GRPEL2: variants seen among roughly 807,000 people sequenced by gnomAD.
GRPEL2 encodes grpE protein homolog 2, mitochondrial.
In GRPEL2, 18 loss-of-function variants were observed where a neutral mutation model predicts 25.9. The ratio of observed to expected loss-of-function variants is 0.70; its 90% CI spans 0.48 to 1.03. GRPEL2 has a LOEUF of 1.03. Ranked by LOEUF, GRPEL2 falls within the 50% of genes least tolerant of loss-of-function variation. GRPEL2 has a pLI of 0.00. For missense variants in GRPEL2, 247 were observed against 276.2 expected, an observed-to-expected ratio of 0.89 and a Z score of 0.75; for synonymous variants, 106 against 107.9, an observed-to-expected ratio of 0.98 and a Z score of 0.11.
intron 1 of GRPEL2, 88 bp from the exon 2 acceptor site, chr5:149,348,184 C>A: frequency 8.3e-7 from 1 of 1,203,238 alleles, no homozygotes; most frequent in Non-Finnish European, 1.2e-6. Flanking sequence ...GAGATTCCAT[C>A]TGGGAAGATC....
chr5:149,347,631 C>G (rs914398213), intron 1 of GRPEL2, among the ~76,000 whole-genome samples: 1 of 152,218 alleles, frequency 6.6e-6, no homozygotes, highest in Non-Finnish European at 1.5e-5. Flanking sequence ...TCACCTGTGT[C>G]TATTCACCGG....
rs1260876915 is a variant in GRPEL2, at chr5:149,353,378, A to C, written c.*2096A>C. 1 of 152,144 alleles carries C rather than the reference A, an allele frequency of 6.6e-6. No individual in the cohort carries two copies. The highest frequency in any genetic ancestry group is 2.4e-5 in the African/African-American group (1 of 41,422). The allele number at this position is 152,144 out of a possible 1,614,324, so 9.4% of individuals were successfully genotyped here. ...GTAATTACTCTCTGTGTGTTTTTTTATTGCTAGCTATCATTACCAGTTAGA... is the reference window on the plus strand; with the variant it reads ...GTAATTACTCTCTGTGTGTTTTTTTCTTGCTAGCTATCATTACCAGTTAGA... On this transcript the variant is annotated 3_prime_UTR_variant, in exon 4 of 4. Transcript: ENST00000329271.
chr5:149,350,985 T>C lies in GRPEL2; in HGVS notation c.381T>C (p.Ile127=). Residue 127 remains isoleucine, a synonymous_variant, in exon 4 of 4, where the codon ATT becomes ATC. Coordinates refer to ENST00000329271, the MANE Select transcript of GRPEL2 (RefSeq NM_152407.4). ...ADILEKTTEC[I]SEESEPEDQK... is the part of the protein sequence containing the mutation. ...TTTTGGAGAAGACTACAGAGTGCAT[T>C]TCTGAAGAATCGGAGCCTGAGGACC... The C allele has an allele frequency of 6.2e-7, 1 of 1,614,236 alleles. No individual in the cohort carries two copies. The highest frequency in any genetic ancestry group is 8.5e-7 in the Non-Finnish European group (1 of 1,180,026).
In GRPEL2 at chr5:149,351,604, C is replaced by T. The variant is rs1292629960; in HGVS notation, c.*322C>T. 1.4e-5 allele frequency: 3 copies of T among 222,016 alleles called. No homozygotes were observed. Among genetic ancestry groups the T allele is most frequent in the Admixed American group, 5.1e-5 (1 of 19,456 alleles). The allele number at this position is 222,016 out of a possible 1,614,324, so 13.8% of individuals were successfully genotyped here. On this transcript the variant is annotated 3_prime_UTR_variant, in exon 4 of 4. Transcript: ENST00000329271. ...TTTTCAACTACATGTTTCTTCCTAGCGGTCTCTATAACAGGAATTGTGTAG... is the reference window on the plus strand; with the variant it reads ...TTTTCAACTACATGTTTCTTCCTAGTGGTCTCTATAACAGGAATTGTGTAG...
rs754307890 is a variant in GRPEL2, at chr5:149,353,351, T to C, written c.*2069T>C. 6.6e-6 allele frequency: 1 copy of C among 152,324 alleles called. No homozygotes were observed. The highest frequency in any genetic ancestry group is 2.4e-5 in the African/African-American group (1 of 41,466). 9.4% of individuals were successfully genotyped at this position (152,324 alleles called of 1,614,324 possible). On this transcript the variant is annotated 3_prime_UTR_variant, in exon 4 of 4. Coordinates refer to ENST00000329271, the MANE Select transcript of GRPEL2 (RefSeq NM_152407.4). ...TGGTGACAATAAGAAAATGAGCTGA[T>C]TGTAATTACTCTCTGTGTGTTTTTT... is the stretch of plus-strand genomic sequence containing the variant.
In GRPEL2 at chr5:149,351,452, T is replaced by G; in HGVS notation, c.*170T>G. The G allele has an allele frequency of 1.4e-6, 1 of 717,700 alleles. No homozygotes were observed. The highest frequency in any genetic ancestry group is 3.1e-5 in the Admixed American group (1 of 32,608). 44.5% of individuals were successfully genotyped at this position (717,700 alleles called of 1,614,324 possible). A position where few individuals can be genotyped will look rare whatever the true frequency, so the allele number is the denominator to read the frequency against. On this transcript the variant is annotated 3_prime_UTR_variant, in exon 4 of 4. Coordinates refer to ENST00000329271, the MANE Select transcript of GRPEL2 (RefSeq NM_152407.4). ...TATTGATTTAATGTGACCTGTTTGGTCTCATCAGAAGTCTTACCATTGGGC... is the reference window on the plus strand; with the variant it reads ...TATTGATTTAATGTGACCTGTTTGGGCTCATCAGAAGTCTTACCATTGGGC...
intron 1 of GRPEL2, among the ~76,000 whole-genome samples, chr5:149,346,084 C>T (rs935716323): frequency 6.6e-6 from 1 of 152,184 alleles, no homozygotes; most frequent in Non-Finnish European, 1.5e-5. Flanking sequence ...AAGACAAGTT[C>T]CATCGGCAGC....
In GRPEL2 at chr5:149,349,744, T is replaced by G. The variant is rs778663026; in HGVS notation, c.313+9T>G. On this transcript the variant is annotated intron_variant, in intron 3 of 3. Transcript: ENST00000329271. ...AGACGCCAAGATATTTGGTGAGAGA[T>G]TTATTTACAATAAAAATGTCTTTGG... is the stretch of plus-strand genomic sequence containing the variant. 6.2e-7 allele frequency: 1 copy of G among 1,605,510 alleles called. No homozygotes were observed. Among genetic ancestry groups the G allele is most frequent in the Non-Finnish European group, 8.5e-7 (1 of 1,172,374 alleles).
At chr5:149,350,750 GT>G (rs1757761657) in intron 3 of GRPEL2, among the ~76,000 whole-genome samples, 167 bp from the exon 4 acceptor site, 1 of 152,210 alleles carries the variant, frequency 6.6e-6, no homozygotes, top group African/African-American at 2.4e-5. Flanking sequence ...TGACTTGTCA[GT>G]TGGGTTGGGG....
chr5:149,353,185 T>A lies in GRPEL2; in HGVS notation c.*1903T>A, dbSNP rs990123110. The A allele has an allele frequency of 6.6e-6, 1 of 152,654 alleles. No individual in the cohort carries two copies. Among genetic ancestry groups the A allele is most frequent in the Non-Finnish European group, 1.5e-5 (1 of 68,032 alleles). The allele number at this position is 152,654 out of a possible 1,614,324, so 9.5% of individuals were successfully genotyped here. On this transcript the variant is annotated 3_prime_UTR_variant, in exon 4 of 4. Coordinates refer to ENST00000329271, the MANE Select transcript of GRPEL2 (RefSeq NM_152407.4). Reference sequence around the variant, plus strand: ...GTAAATATGCACTTTTAAAATGCAATCAAAAGACTGGTGGTTAAGCTTGTA... The same window carrying A: ...GTAAATATGCACTTTTAAAATGCAAACAAAAGACTGGTGGTTAAGCTTGTA...
Position 149,351,328 on chromosome 5 carries a change from T to C in GRPEL2, c.*46T>C, listed in dbSNP as rs1189183865. Reference sequence around the variant, plus strand: ...TGTTCTCCCAGAGCGCAGTCACCTATGTTTCTTTTATTTATTAAACTAGGT... The same window carrying C: ...TGTTCTCCCAGAGCGCAGTCACCTACGTTTCTTTTATTTATTAAACTAGGT... On this transcript the variant is annotated 3_prime_UTR_variant, in exon 4 of 4. Coordinates refer to ENST00000329271, the MANE Select transcript of GRPEL2 (RefSeq NM_152407.4). The C allele has an allele frequency of 1.9e-6, 3 of 1,542,292 alleles. No individual in the cohort carries two copies. Among genetic ancestry groups the C allele is most frequent in the African/African-American group, 1.4e-5 (1 of 72,390 alleles).
chr5:149,354,119 GC>G lies in GRPEL2; in HGVS notation c.*2838del, dbSNP rs1486620871. ...AATGATGAGTAGAAAAAACTTGTAA[GC>G]TAATCATTCACTGACTTATTTTCCT... On this transcript the variant is annotated 3_prime_UTR_variant, in exon 4 of 4. Coordinates refer to ENST00000329271, the MANE Select transcript of GRPEL2 (RefSeq NM_152407.4). The G allele has an allele frequency of 6.6e-6, 1 of 152,160 alleles. No homozygotes were observed. Among genetic ancestry groups the G allele is most frequent in the African/African-American group, 2.4e-5 (1 of 41,430 alleles). The allele number at this position is 152,160 out of a possible 1,614,324, so 9.4% of individuals were successfully genotyped here.
Position 149,353,666 on chromosome 5 carries a change from A to C in GRPEL2, c.*2384A>C, listed in dbSNP as rs2127610660. The C allele has an allele frequency of 6.6e-6, 1 of 152,098 alleles. No individual in the cohort carries two copies. Among genetic ancestry groups the C allele is most frequent in the Non-Finnish European group, 1.5e-5 (1 of 67,978 alleles). The allele number at this position is 152,098 out of a possible 1,614,324, so 9.4% of individuals were successfully genotyped here. A position where few individuals can be genotyped will look rare whatever the true frequency, so the allele number is the denominator to read the frequency against. On this transcript the variant is annotated 3_prime_UTR_variant, in exon 4 of 4. Transcript: ENST00000329271. ...TTGTCCAGGCTAGAAGAATTTTCTA[A>C]TGGTCTATTACACCTCCCGTTTTGG...
chr5:149,350,454 A>T (rs995682537), intron 3 of GRPEL2, among the ~76,000 whole-genome samples: 4 of 152,138 alleles, frequency 2.6e-5, no homozygotes, highest in Non-Finnish European at 4.4e-5. Flanking sequence ...ACCCCTTAGC[A>T]TAGTGTTGTT....
Position 149,354,349 on chromosome 5 carries a change from C to T in GRPEL2, c.*3067C>T, listed in dbSNP as rs550404639. On this transcript the variant is annotated 3_prime_UTR_variant, in exon 4 of 4. Transcript: ENST00000329271. ...TTGGTGTTGTAGTACTTGGACTGTA[C>T]AAATGTTTTACTGACTTTTCTTACT... The T allele has an allele frequency of 6.6e-6, 1 of 152,308 alleles. No homozygotes were observed. The highest frequency in any genetic ancestry group is 2.1e-4 in the South Asian group (1 of 4,824). The allele number at this position is 152,308 out of a possible 1,614,324, so 9.4% of individuals were successfully genotyped here. A position where few individuals can be genotyped will look rare whatever the true frequency, so the allele number is the denominator to read the frequency against.
In GRPEL2 at chr5:149,352,351, C is replaced by A. The variant is rs1439138672; in HGVS notation, c.*1069C>A. On this transcript the variant is annotated 3_prime_UTR_variant, in exon 4 of 4. Coordinates refer to ENST00000329271, the MANE Select transcript of GRPEL2 (RefSeq NM_152407.4). Reference sequence around the variant, plus strand: ...TTTTTTCCTGTGTTGCCCAGGCTGACCTCCAACTCCTGGGCCCAAGCAATC... The same window carrying A: ...TTTTTTCCTGTGTTGCCCAGGCTGAACTCCAACTCCTGGGCCCAAGCAATC... 6.6e-6 allele frequency: 1 copy of A among 151,368 alleles called. No homozygotes were observed. The highest frequency in any genetic ancestry group is 1.5e-5 in the Non-Finnish European group (1 of 67,924). 9.4% of individuals were successfully genotyped at this position (151,368 alleles called of 1,614,324 possible). A position where few individuals can be genotyped will look rare whatever the true frequency, so the allele number is the denominator to read the frequency against.
intron 3 of GRPEL2, 71 bp from the exon 4 acceptor site, chr5:149,350,847 T>TA: frequency 6.5e-7 from 1 of 1,539,722 alleles, no homozygotes; most frequent in Non-Finnish European, 8.8e-7. Context: ...TATCTAGGCC[T>TA]TACCCAAACT....
chr5:149,352,456 A>C lies in GRPEL2; in HGVS notation c.*1174A>C, dbSNP rs1210994410. 1 of 149,652 alleles carries C rather than the reference A, an allele frequency of 6.7e-6. No individual in the cohort carries two copies. The highest frequency in any genetic ancestry group is 1.5e-5 in the Non-Finnish European group (1 of 67,492). The allele number at this position is 149,652 out of a possible 1,614,324, so 9.3% of individuals were successfully genotyped here. ...AAGTTTTTTTGTTGTTTTTTTTTTT[A>C]AGTTGGTACTCACAAATCACTACCT... is the stretch of plus-strand genomic sequence containing the variant. On this transcript the variant is annotated 3_prime_UTR_variant, in exon 4 of 4. Coordinates refer to ENST00000329271, the MANE Select transcript of GRPEL2 (RefSeq NM_152407.4).
rs1757776117 is a variant in GRPEL2, at chr5:149,351,546, T to C, written c.*264T>C. ...ATGTTTAGGAAAATTGGTACTGTGA[T>C]AAATTTGAATCCAAAATCCTTTTAA... is the stretch of plus-strand genomic sequence containing the variant. On this transcript the variant is annotated 3_prime_UTR_variant, in exon 4 of 4. Transcript: ENST00000329271. 3.1e-6 allele frequency: 1 copy of C among 325,554 alleles called. No homozygotes were observed. Among genetic ancestry groups the C allele is most frequent in the Non-Finnish European group, 5.7e-6 (1 of 175,978 alleles). 20.2% of individuals were successfully genotyped at this position (325,554 alleles called of 1,614,324 possible).
Sources: allele counts gnomAD v4.1 joint callset (sites outside exome capture counted in the v4.1 genomes callset), GRCh38; gene constraint gnomAD v4.1.1; transcripts MANE v1.5; gene names NCBI Gene and HGNC (gene_info 2026-07-23, HGNC 2026-07-21).